Variants in ADGRL3 observed in about 807,000 individuals in gnomAD.
ADGRL3 encodes adhesion G protein-coupled receptor L3.
Under a neutral mutation model 153.5 loss-of-function variants are expected in ADGRL3, and 62 were observed. The ratio of observed to expected loss-of-function variants is 0.40; its 90% confidence interval spans 0.33 to 0.50. ADGRL3 has a LOEUF of 0.50. ADGRL3 is among the 20% of genes least tolerant of loss of function. The pLI is 0.47. For synonymous variants in ADGRL3, 710 were observed against 672.5 expected (o/e 1.06, Z -0.86); for missense variants, 1,641 against 1,859.4 (o/e 0.88, Z 2.16).
intron 1 of ADGRL3, among the ~76,000 whole-genome samples, chr4:61,275,486 A>G (rs2093416588): frequency 6.6e-6 from 1 of 152,184 alleles, no homozygotes; most frequent in Non-Finnish European, 1.5e-5. Context: ...ATGCTATCTA[A>G]TCAACATACT....
At chr4:61,273,582 GAA>G (rs1414470841) in intron 1 of ADGRL3, among the ~76,000 whole-genome samples, 1 of 152,144 alleles carries the variant, frequency 6.6e-6, no homozygotes, top group African/African-American at 2.4e-5. Context: ...GAAAAAAGAA[GAA>G]GTAGCATTAG....
chr4:62,000,254 T>C (rs1270320500), intron 21 of ADGRL3, among the ~76,000 whole-genome samples: 2 of 151,760 alleles, frequency 1.3e-5, no homozygotes, highest in Admixed American at 6.6e-5. Flanking sequence ...ATTTCAAGTA[T>C]ACTTTTTAGG....
chr4:61,751,263 A>G (rs2152061046), intron 8 of ADGRL3, among the ~76,000 whole-genome samples: 1 of 152,338 alleles, frequency 6.6e-6, no homozygotes, highest in South Asian at 2.1e-4. Context: ...ATTATTCTAA[A>G]TGAAAATAAG....
At chr4:61,709,972 A>G (rs1458494492) in intron 6 of ADGRL3, among the ~76,000 whole-genome samples, 4 of 152,220 alleles carry the variant, frequency 2.6e-5, no homozygotes, top group Non-Finnish European at 5.9e-5. Context: ...TTAGAAAAGT[A>G]TTCAAGGAAG....
At chr4:61,264,911 T>C (rs1489896293) in intron 1 of ADGRL3, among the ~76,000 whole-genome samples, 1 of 151,952 alleles carries the variant, frequency 6.6e-6, no homozygotes, top group African/African-American at 2.4e-5. Flanking sequence ...GCCAAGGTCA[T>C]AGGTCTCAGT....
chr4:61,974,531 A>T (rs1669521895), intron 17 of ADGRL3, among the ~76,000 whole-genome samples: 1 of 152,200 alleles, frequency 6.6e-6, no homozygotes, highest in South Asian at 2.1e-4. Flanking sequence ...TTAAAAAAGT[A>T]AAGAAATATT....
At chr4:61,961,764 T>G (rs1046863157) in intron 17 of ADGRL3, among the ~76,000 whole-genome samples, 1 of 152,090 alleles carries the variant, frequency 6.6e-6, no homozygotes, top group Non-Finnish European at 1.5e-5. Flanking sequence ...TCTTCTTAAA[T>G]TCATGAAAGA....
chr4:62,017,250 G>A (rs1436467919), intron 21 of ADGRL3, among the ~76,000 whole-genome samples: 1 of 151,492 alleles, frequency 6.6e-6, no homozygotes, highest in African/African-American at 2.4e-5. Context: ...TCCTTACTTG[G>A]GTCCTGAAGT....
chr4:61,960,437 A>C (rs2098983386), intron 17 of ADGRL3, among the ~76,000 whole-genome samples: 1 of 152,178 alleles, frequency 6.6e-6, no homozygotes, highest in South Asian at 2.1e-4. Context: ...ATGTTAGCAG[A>C]ACAGGCCGGA....
chr4:61,742,278 CTTA>C (rs938180217), intron 8 of ADGRL3, among the ~76,000 whole-genome samples: 7 of 151,514 alleles, frequency 4.6e-5, no homozygotes, highest in African/African-American at 9.7e-5. Flanking sequence ...TCTTCTTCTT[CTTA>C]TTATTATTAT....
intron 5 of ADGRL3, among the ~76,000 whole-genome samples, chr4:61,656,276 A>C: frequency 6.6e-6 from 1 of 152,164 alleles, no homozygotes; most frequent in East Asian, 1.9e-4. Flanking sequence ...AGTATGACTC[A>C]GATTATGATT....
At chr4:62,036,726 C>T (rs111334667) in intron 23 of ADGRL3, among the ~76,000 whole-genome samples, 12 of 151,868 alleles carry the variant, frequency 7.9e-5, no homozygotes, top group African/African-American at 2.7e-4. Context: ...TGCACTAATG[C>T]GAAATCAAAT....
intron 1 of ADGRL3, among the ~76,000 whole-genome samples, chr4:61,220,322 T>A (rs569734973): frequency 1.5e-3 from 224 of 152,144 alleles, no homozygotes; most frequent in African/African-American, 5.1e-3. Flanking sequence ...TCTAATAACT[T>A]GTTTGTCTCA....
intron 4 of ADGRL3, among the ~76,000 whole-genome samples, chr4:61,577,375 CA>C (rs1175629878): frequency 1.3e-5 from 2 of 151,990 alleles, no homozygotes; most frequent in South Asian, 4.2e-4. Flanking sequence ...TCCATTCATT[CA>C]AAACTTGTTT....
intron 25 of ADGRL3, among the ~76,000 whole-genome samples, chr4:62,050,439 A>G (rs1409709076): frequency 6.6e-6 from 1 of 152,062 alleles, no homozygotes. Flanking sequence ...TGGAGCAGGG[A>G]TGTGGCTCAG....
intron 1 of ADGRL3, among the ~76,000 whole-genome samples, chr4:61,248,917 T>G (rs1041995996): frequency 1.3e-5 from 2 of 152,164 alleles, no homozygotes; most frequent in Non-Finnish European, 2.9e-5. Context: ...ATAGGTCGAA[T>G]TTCTTGGATG....
At chr4:61,860,001 CAAAAT>C (rs2098324252) in intron 9 of ADGRL3, among the ~76,000 whole-genome samples, 2 of 151,890 alleles carry the variant, frequency 1.3e-5, no homozygotes, top group Non-Finnish European at 2.9e-5. Context: ...AAATATTTCT[CAAAAT>C]AAAAATCCTT....
At chr4:61,354,104 G>A (rs1212955793) in intron 1 of ADGRL3, among the ~76,000 whole-genome samples, 2 of 152,070 alleles carry the variant, frequency 1.3e-5, no homozygotes, top group Admixed American at 6.6e-5. Flanking sequence ...TTACCTCAGT[G>A]ATCGACTTGT....
intron 22 of ADGRL3, among the ~76,000 whole-genome samples, chr4:62,029,706 T>C (rs1251948914): frequency 4.9e-5 from 1 of 20,404 alleles, no homozygotes; most frequent in African/African-American, 1.3e-4. Context: ...CTTTTGTTGT[T>C]TTTTTTTTTT....
Sources: gnomAD v4.1 joint callset for allele counts (sites outside exome capture counted in the v4.1 genomes callset) on GRCh38, gnomAD v4.1.1 for gene constraint, MANE v1.5 for transcripts, NCBI Gene and HGNC (gene_info 2026-07-23, HGNC 2026-07-21) for gene names.